KLC1: variants seen among roughly 807,000 people sequenced by gnomAD.
The protein encoded by KLC1 is kinesin 2 60/70kDa.
A neutral mutation model predicts 84.2 loss-of-function variants in KLC1; 30 were observed. The observed-to-expected ratio is 0.36, with a 90% CI of 0.27 to 0.48. The LOEUF is 0.48. KLC1 is among the 20% of genes least tolerant of loss of function. The pLI is 0.99. For synonymous variants in KLC1, 289 were observed against 293.3 expected (o/e 0.99, Z 0.15); for missense variants, 499 against 805.4 (o/e 0.62, Z 4.60).
At chr14:103,654,939 T>A (rs2078716548) in intron 2 of KLC1, 114 bp downstream of exon 2, 2 of 1,255,652 alleles carry the variant, frequency 1.6e-6, no homozygotes, top group Non-Finnish European at 2.2e-6. Context: ...GAATAACAGA[T>A]CCAGGCCGAG....
At chr14:103,644,826 C>T (rs796458534) in intron 1 of KLC1, among the ~76,000 whole-genome samples, 10 of 152,218 alleles carry the variant, frequency 6.6e-5, no homozygotes, top group African/African-American at 2.4e-4. Flanking sequence ...TCAAGTTCTA[C>T]CTTTAGAACA....
rs569064462 is a variant in KLC1, at chr14:103,698,432, C to T, written c.1849-2223C>T. The T allele has an allele frequency of 1.1e-3, 360 of 335,210 alleles. 1 individual carries two copies. Among genetic ancestry groups the T allele is most frequent in the African/African-American group, 7.2e-3 (336 of 46,824 alleles). 20.8% of individuals were successfully genotyped at this position (335,210 alleles called of 1,614,324 possible). A position where few individuals can be genotyped will look rare whatever the true frequency, so the allele number is the denominator to read the frequency against. On this transcript the variant is annotated intron_variant, in intron 15 of 16. Coordinates refer to ENST00000334553, the MANE Select transcript of KLC1 (RefSeq NM_001394837.1). ...CCCAGCCCAGGGGGCAGGCCTCAGACGCAACCCCAGTTGGGCTTCCATGTG... is the reference window on the plus strand; with the variant it reads ...CCCAGCCCAGGGGGCAGGCCTCAGATGCAACCCCAGTTGGGCTTCCATGTG...
intron 1 of KLC1, among the ~76,000 whole-genome samples, chr14:103,648,958 G>A (rs1028417864): frequency 7.3e-5 from 11 of 151,036 alleles, no homozygotes; most frequent in African/African-American, 2.4e-5. Context: ...GCAACATGGC[G>A]AAACTGTGTC....
At chr14:103,687,340 C>T (rs973377137) in intron 14 of KLC1, 129 bp downstream of exon 14, 6 of 961,834 alleles carry the variant, frequency 6.2e-6, no homozygotes, top group Middle Eastern at 3.9e-4. Flanking sequence ...ATTCTCACAA[C>T]CGAAGGGTTT....
At chr14:103,648,710 A>G (rs1287257921) in intron 1 of KLC1, among the ~76,000 whole-genome samples, 1 of 152,190 alleles carries the variant, frequency 6.6e-6, no homozygotes, top group Non-Finnish European at 1.5e-5. Context: ...CTGAGGTGGG[A>G]GGATCACTTG....
At chr14:103,695,419 AAAAG>A (rs1213207046) in intron 15 of KLC1, 17 of 984,680 alleles carry the variant, frequency 1.7e-5, no homozygotes, top group African/African-American at 3.5e-5. Context: ...CCCCCCCAAA[AAAAG>A]GGGGGTGTAG....
intron 15 of KLC1, chr14:103,695,335 GTGTGTATATATA>G: frequency 1.9e-6 from 1 of 532,866 alleles, no homozygotes; most frequent in Non-Finnish European, 2.2e-6. Context: ...ATATGTGTGT[GTGTGTATATATA>G]TATATATATA....
At chr14:103,659,545 A>G (rs2079113842) in intron 3 of KLC1, among the ~76,000 whole-genome samples, 2 of 152,298 alleles carry the variant, frequency 1.3e-5, no homozygotes, top group East Asian at 1.9e-4. Context: ...GCCTTCCACT[A>G]GTATCTCTTT....
Position 103,693,522 on chromosome 14 carries a change from G to C in KLC1, c.1848+1097G>C. The C allele has an allele frequency of 1.3e-6, 2 of 1,535,944 alleles. No homozygotes were observed. The highest frequency in any genetic ancestry group is 1.7e-6 in the Non-Finnish European group (2 of 1,146,790). On this transcript the variant is annotated intron_variant, in intron 15 of 16. Transcript: ENST00000334553. This position sits in a 1 kb window ranked among gnomAD's most constrained non-coding sequence, Gnocchi z 5.1. ...TGGCATCATTTGAAGTCCTGGTTAAGTGTAATTTTTCTATTTGTTTTTTCA... is the reference window on the plus strand; with the variant it reads ...TGGCATCATTTGAAGTCCTGGTTAACTGTAATTTTTCTATTTGTTTTTTCA...
At chr14:103,639,185 T>C (rs978643128) in intron 1 of KLC1, among the ~76,000 whole-genome samples, 1 of 152,266 alleles carries the variant, frequency 6.6e-6, no homozygotes, top group Middle Eastern at 3.4e-3. Flanking sequence ...TTTTTTGAGA[T>C]GGAGTCTTGC....
intron 7 of KLC1, among the ~76,000 whole-genome samples, chr14:103,671,560 G>A (rs1026172819): frequency 6.6e-6 from 1 of 152,082 alleles, no homozygotes; most frequent in African/African-American, 2.4e-5. Flanking sequence ...TAGTAGAGAT[G>A]GGGTTTCACC....
intron 2 of KLC1, among the ~76,000 whole-genome samples, chr14:103,656,935 G>T (rs76901712): frequency 0.052 from 7,987 of 152,248 alleles, 239 homozygotes; most frequent in South Asian, 0.092. Context: ...ACAGCCTCAC[G>T]CTGGTCTGTT....
At chr14:103,687,004 T>C in intron 13 of KLC1, 77 bp from the exon 14 acceptor site, 1 of 1,277,912 alleles carries the variant, frequency 7.8e-7, no homozygotes, top group Non-Finnish European at 1.1e-6. Flanking sequence ...GTGGAGCTCT[T>C]ATTTGCACCC....
chr14:103,649,712 T>TTC (rs1288227980), intron 1 of KLC1, among the ~76,000 whole-genome samples: 1 of 151,480 alleles, frequency 6.6e-6, no homozygotes, highest in African/African-American at 2.4e-5. Context: ...TTTTTTTTTT[T>TTC]CGAGACGGAG....
At chr14:103,699,426 G>A in intron 15 of KLC1, 1 of 1,612,836 alleles carries the variant, frequency 6.2e-7, no homozygotes. Context: ...GTGGCCCCCA[G>A]GGACTGCAGA....
chr14:103,693,949 CT>C lies in KLC1; in HGVS notation c.1848+1529del. ...TGCTGTTGCATTTCCTGCCTGCCACCTTTTTGCCATGACACCAGACTCTCTT... is the reference window on the plus strand; with the variant it reads ...TGCTGTTGCATTTCCTGCCTGCCACCTTTTGCCATGACACCAGACTCTCTT... On this transcript the variant is annotated intron_variant, in intron 15 of 16. Transcript: ENST00000334553. The surrounding 1 kb of genome is among the most constrained non-coding windows in gnomAD (Gnocchi z 5.1). The C allele has an allele frequency of 8.3e-7, 1 of 1,209,008 alleles. No homozygotes were observed. Among genetic ancestry groups the C allele is most frequent in the Non-Finnish European group, 1.0e-6 (1 of 968,870 alleles). The allele number at this position is 1,209,008 out of a possible 1,614,324, so 74.9% of individuals were successfully genotyped here. A position where few individuals can be genotyped will look rare whatever the true frequency, so the allele number is the denominator to read the frequency against.
intron 13 of KLC1, chr14:103,685,032 C>G: frequency 6.7e-7 from 1 of 1,492,494 alleles, no homozygotes; most frequent in African/African-American, 1.4e-5. Context: ...GCTCAGCGTC[C>G]CATGGTGAGT....
At chr14:103,642,278 A>T (rs2077553287) in intron 1 of KLC1, among the ~76,000 whole-genome samples, 1 of 152,146 alleles carries the variant, frequency 6.6e-6, no homozygotes, top group African/African-American at 2.4e-5. Flanking sequence ...GGGTCCCCTC[A>T]TGGCCTAATC....
rs2151877905 is a variant in KLC1 at position 103,695,990 on chromosome 14, G to T, written c.1848+3565G>T. On this transcript the variant is annotated intron_variant, in intron 15 of 16. Coordinates refer to ENST00000334553, the MANE Select transcript of KLC1 (RefSeq NM_001394837.1). ...TCCCTTCAGAGGAGAGAAGTGGTGGGCCCAGGCATCCCTCCTCCTGTGTGT... is the reference window on the plus strand; with the variant it reads ...TCCCTTCAGAGGAGAGAAGTGGTGGTCCCAGGCATCCCTCCTCCTGTGTGT... The T allele has an allele frequency of 8.1e-6, 8 of 985,366 alleles. No individual in the cohort carries two copies. In the South Asian group the frequency reaches 3.3e-4, roughly 41 times the overall value. The allele number at this position is 985,366 out of a possible 1,614,324, so 61.0% of individuals were successfully genotyped here. A position where few individuals can be genotyped will look rare whatever the true frequency, so the allele number is the denominator to read the frequency against.
Sources: gnomAD v4.1 joint callset for allele counts (sites outside exome capture counted in the v4.1 genomes callset) on GRCh38, gnomAD v4.1.1 for gene constraint, Gnocchi (gnomAD v3.1) non-coding constraint, MANE v1.5 for transcripts, NCBI Gene and HGNC (gene_info 2026-07-23, HGNC 2026-07-21) for gene names.